Variants in ERICH6 observed in about 807,000 individuals in gnomAD.
ERICH6 encodes the protein glutamate rich 6.
A neutral mutation model predicts 71.0 loss-of-function variants in ERICH6; 71 were observed. The observed-to-expected ratio is 1.00, with a 90% confidence interval of 0.83 to 1.22. ERICH6 has a LOEUF of 1.22. Among genes scored for constraint, ERICH6 ranks in the 50% most tolerant of loss-of-function variants. The pLI is 0.00. For synonymous variants in ERICH6, 262 were observed against 278.4 expected, an observed-to-expected ratio of 0.94 and a Z score of 0.59; for missense variants, 808 against 797.2, an observed-to-expected ratio of 1.01 and a Z score of -0.16.
intron 9 of ERICH6, among the ~76,000 whole-genome samples, chr3:150,678,946 C>A (rs1479569909): frequency 7.1e-6 from 1 of 141,072 alleles, no homozygotes; most frequent in Non-Finnish European, 1.5e-5. Flanking sequence ...GAGGCTAAGG[C>A]AGGAAAATTG....
At chr3:150,686,106 A>C in intron 4 of ERICH6, 85 bp from the exon 5 acceptor site, 1 of 1,266,628 alleles carries the variant, frequency 7.9e-7, no homozygotes, top group South Asian at 1.2e-5. Flanking sequence ...ATTCACACCC[A>C]CCATCATCCT....
chr3:150,686,181 AC>A, intron 4 of ERICH6, 116 bp downstream of exon 4: 16 of 1,307,526 alleles, frequency 1.2e-5, no homozygotes, highest in Non-Finnish European at 1.5e-5. Context: ...ACCTTCTCAC[AC>A]CTGTTCTTAG....
chr3:150,678,709 C>T (rs1300388950), intron 9 of ERICH6, among the ~76,000 whole-genome samples, 155 bp from the exon 10 acceptor site: 1 of 151,814 alleles, frequency 6.6e-6, no homozygotes, highest in Non-Finnish European at 1.5e-5. Context: ...TTTTATTATT[C>T]CCCCTTGTCA....
chr3:150,690,470 G>A (rs953671972), intron 3 of ERICH6, among the ~76,000 whole-genome samples: 2 of 151,888 alleles, frequency 1.3e-5, no homozygotes, highest in African/African-American at 2.4e-5. Context: ...ATATATCTAT[G>A]TATTTGCATG....
At chr3:150,660,240 G>A (rs1727163209) in intron 13 of ERICH6, 85 bp from the exon 14 acceptor site, 1 of 1,485,614 alleles carries the variant, frequency 6.7e-7, no homozygotes, top group Non-Finnish European at 9.1e-7. Flanking sequence ...TGGCACTTAT[G>A]TGGGGTTGGA....
intron 7 of ERICH6, among the ~76,000 whole-genome samples, chr3:150,681,541 C>T (rs60625363): frequency 0.013 from 1,950 of 152,192 alleles, 37 homozygotes; most frequent in African/African-American, 0.043. Flanking sequence ...CATATGTTGC[C>T]ATTTTCTTGG....
chr3:150,695,389 C>T (rs74996828), intron 3 of ERICH6, among the ~76,000 whole-genome samples: 15,639 of 152,010 alleles, frequency 0.1, 1,093 homozygotes, highest in Non-Finnish European at 0.15. Context: ...TAGTGGCTCA[C>T]GCCTGGAATC....
At chr3:150,684,402 A>ACAC (rs1351572971) in intron 6 of ERICH6, among the ~76,000 whole-genome samples, 6 of 152,202 alleles carry the variant, frequency 3.9e-5, no homozygotes, top group Non-Finnish European at 8.8e-5. Context: ...ATAGCAATGA[A>ACAC]CACCACCTCA....
intron 12 of ERICH6, 79 bp from the exon 13 acceptor site, chr3:150,667,094 C>G (rs2108041311): frequency 1.5e-6 from 2 of 1,351,688 alleles, no homozygotes; most frequent in South Asian, 1.3e-5. Flanking sequence ...CACTTGCTAA[C>G]CAAGGGGAGT....
intron 6 of ERICH6, among the ~76,000 whole-genome samples, chr3:150,684,354 C>T (rs899270064): frequency 2.0e-5 from 3 of 152,124 alleles, no homozygotes; most frequent in African/African-American, 7.2e-5. Context: ...CTTAATGTTT[C>T]CCCTCACTAG....
At position 150,669,326 on chromosome 3, in the gene ERICH6, C is replaced by G. The variant is rs1482052536; in HGVS notation, c.1469G>C (p.Ser490Thr). Residue 490 changes from serine to threonine, a missense_variant, in exon 12 of 14, where the codon AGT becomes ACT. By Grantham distance (58) the Ser-to-Thr change is moderately conservative. Coordinates refer to ENST00000295910, the MANE Select transcript of ERICH6 (RefSeq NM_152394.5). Reference sequence around the variant, plus strand: ...ATTTCCATTGGGATGATAGCAGGAACTTCTGCCAGAGGAATCCAGCACTGC... The same window carrying G: ...ATTTCCATTGGGATGATAGCAGGAAGTTCTGCCAGAGGAATCCAGCACTGC... ...ILAVLDSSGR[S>T]SCYHPNGNVW... 2.5e-6 allele frequency: 4 copies of G among 1,611,636 alleles called. No individual in the cohort carries two copies. The highest frequency in any genetic ancestry group is 3.4e-6 in the Non-Finnish European group (4 of 1,179,132).
At chr3:150,676,436 T>C (rs1711659290) in intron 10 of ERICH6, among the ~76,000 whole-genome samples, 1 of 152,224 alleles carries the variant, frequency 6.6e-6, no homozygotes, top group African/African-American at 2.4e-5. Context: ...AGGTCTCTTC[T>C]TATTAGATAT....
At chr3:150,670,167 A>G (rs560890650) in intron 11 of ERICH6, among the ~76,000 whole-genome samples, 3 of 152,088 alleles carry the variant, frequency 2.0e-5, no homozygotes, top group Admixed American at 6.6e-5. Context: ...CACTCTTACT[A>G]CTTCTATTCA....
chr3:150,702,887 T>TGA (rs1181008001), intron 1 of ERICH6, among the ~76,000 whole-genome samples: 2 of 82,374 alleles, frequency 2.4e-5, no homozygotes, highest in African/African-American at 7.0e-5. Context: ...GGAAATAATA[T>TGA]GAGTGTGTGT....
Position 150,680,754 on chromosome 3 carries a change from A to G in ERICH6, c.1040+19T>C. The G allele has an allele frequency of 6.3e-7, 1 of 1,588,132 alleles. No homozygotes were observed. The highest frequency in any genetic ancestry group is 8.5e-7 in the Non-Finnish European group (1 of 1,171,016). On this transcript the variant is annotated intron_variant, in intron 8 of 13. Transcript: ENST00000295910. The stretch of plus-strand genomic sequence containing the variant: ...TAAGCCGGCCTGTATGAGTTTCAGT[A>G]TCGAAGTCTCAATGTTACCTTTGCA...
intron 10 of ERICH6, among the ~76,000 whole-genome samples, chr3:150,677,001 G>A (rs1285546610): frequency 1.3e-5 from 2 of 151,796 alleles, no homozygotes; most frequent in Admixed American, 6.6e-5. Flanking sequence ...TAGTAGAGAT[G>A]GGATTTCACC....
At chr3:150,696,831 G>T (rs998160191) in intron 3 of ERICH6, among the ~76,000 whole-genome samples, 2 of 152,086 alleles carry the variant, frequency 1.3e-5, no homozygotes, top group African/African-American at 4.8e-5. Context: ...CCCTTTTGAT[G>T]GACGCATACT....
intron 13 of ERICH6, among the ~76,000 whole-genome samples, chr3:150,663,571 C>T (rs577778560): frequency 6.6e-5 from 10 of 151,962 alleles, no homozygotes; most frequent in Admixed American, 2.0e-4. Flanking sequence ...CAATGGTGGG[C>T]TCAAGTTATC....
chr3:150,666,458 GTC>G (rs1443591533), intron 13 of ERICH6, among the ~76,000 whole-genome samples: 1 of 152,156 alleles, frequency 6.6e-6, no homozygotes, highest in Non-Finnish European at 1.5e-5. Flanking sequence ...CCCAACCCAA[GTC>G]TCTCTACCAT....
Sources: gnomAD v4.1 joint callset for allele counts (sites outside exome capture counted in the v4.1 genomes callset) on GRCh38, gnomAD v4.1.1 for gene constraint, MANE v1.5 for transcripts, NCBI Gene and HGNC (gene_info 2026-07-23, HGNC 2026-07-21) for gene names.